ZSCAN25: variants seen among roughly 807,000 people sequenced by gnomAD.
ZSCAN25 encodes the protein zinc finger and SCAN domain-containing protein 25.
ZSCAN25 carries 27 observed loss-of-function variants against 38.7 expected under a neutral mutation model. The observed-to-expected ratio is 0.70, with a 90% confidence interval of 0.51 to 0.96. The LOEUF is 0.96. Among genes scored for constraint, ZSCAN25 ranks in the 40% least tolerant of loss-of-function variants. ZSCAN25 has a pLI of 0.00. For missense variants in ZSCAN25, 637 were observed against 705.9 expected, an observed-to-expected ratio of 0.90 and a Z score of 1.11; for synonymous variants, 273 against 277.7, an observed-to-expected ratio of 0.98 and a Z score of 0.17.
chr7:99,732,407 T>C, the ZSCAN25 span, among the ~76,000 whole-genome samples: 1 of 152,118 alleles, frequency 6.6e-6, no homozygotes, highest in Non-Finnish European at 1.5e-5. Flanking sequence ...TTTATAGCAA[T>C]GGAAGAAAAG....
At chr7:99,656,012 A>G in the ZSCAN25 span, among the ~76,000 whole-genome samples, 9,778 of 152,296 alleles carry the variant, frequency 0.064, 487 homozygotes, top group African/African-American at 0.13. Flanking sequence ...ATATACAATC[A>G]TGTCATCTGC....
At chr7:99,724,147 A>G in the ZSCAN25 span, among the ~76,000 whole-genome samples, 2 of 151,990 alleles carry the variant, frequency 1.3e-5, no homozygotes, top group Middle Eastern at 6.8e-3. Context: ...CCCCTTCACT[A>G]TGGGCAACCT....
Position 99,630,116 on chromosome 7 carries a change from C to A in ZSCAN25, c.*96C>A. 1 of 1,433,796 alleles carries A rather than the reference C, an allele frequency of 7.0e-7. No homozygotes were observed. Among genetic ancestry groups the A allele is most frequent in the Admixed American group, 2.9e-5 (1 of 34,504 alleles). 88.8% of individuals were successfully genotyped at this position (1,433,796 alleles called of 1,614,324 possible). A position where few individuals can be genotyped will look rare whatever the true frequency, so the allele number is the denominator to read the frequency against. ...GGCTGCAGGAAAGCACTGGTCCCAT[C>A]GCCTTCCCACCCATTCGCCAACGCG... is the stretch of plus-strand genomic sequence containing the variant. On this transcript the variant is annotated 3_prime_UTR_variant, in exon 8 of 8. Coordinates refer to ENST00000394152, the MANE Select transcript of ZSCAN25 (RefSeq NM_145115.3).
At chr7:99,704,874 A>G in the ZSCAN25 span, among the ~76,000 whole-genome samples, 17 of 152,098 alleles carry the variant, frequency 1.1e-4, no homozygotes, top group Non-Finnish European at 1.8e-4. Flanking sequence ...AGGCAGGAGA[A>G]TGGCGTGAAC....
rs1342393348 is a variant in ZSCAN25, at chr7:99,619,249, A to C, written c.-47+117A>C. On this transcript the variant is annotated intron_variant, in intron 3 of 7. Coordinates refer to ENST00000394152, the MANE Select transcript of ZSCAN25 (RefSeq NM_145115.3). ...ATGTTTCCTTTAGTATTGGAAGAGTAGGCCCTGGTGACTCACCCAGTTATA... is the reference window on the plus strand; with the variant it reads ...ATGTTTCCTTTAGTATTGGAAGAGTCGGCCCTGGTGACTCACCCAGTTATA... 5.1e-5 allele frequency: 10 copies of C among 196,192 alleles called. No homozygotes were observed. In the East Asian group the frequency reaches 1.3e-3, roughly 25 times the overall value. The allele number at this position is 196,192 out of a possible 1,614,324, so 12.2% of individuals were successfully genotyped here.
At chr7:99,689,037 T>C in the ZSCAN25 span, among the ~76,000 whole-genome samples, 1 of 152,218 alleles carries the variant, frequency 6.6e-6, no homozygotes, top group African/African-American at 2.4e-5. Context: ...GGGAAATTTA[T>C]AGCACTAAAT....
the ZSCAN25 span, chr7:99,663,047 T>TA: frequency 5.1e-6 from 7 of 1,364,974 alleles, no homozygotes; most frequent in East Asian, 2.0e-4. Flanking sequence ...AACATTCATC[T>TA]AAATCCTTGG....
chr7:99,720,233 T>G, the ZSCAN25 span: 2 of 1,554,898 alleles, frequency 1.3e-6, no homozygotes, highest in Non-Finnish European at 1.7e-6. Flanking sequence ...TTTAGGCAAC[T>G]GTCTATGAAT....
At chr7:99,663,778 G>A in the ZSCAN25 span, 3 of 1,257,104 alleles carry the variant, frequency 2.4e-6, no homozygotes, top group Non-Finnish European at 3.0e-6. Flanking sequence ...AGTTTTAAAT[G>A]CTATCTCTCT....
At chr7:99,620,806 G>C (rs988470496) in intron 4 of ZSCAN25, 6 of 152,318 alleles carry the variant, frequency 3.9e-5, no homozygotes, top group African/African-American at 1.4e-4. Context: ...GCCTAGGCTG[G>C]AGTGCAGTGG....
At chr7:99,655,570 T>C in the ZSCAN25 span, among the ~76,000 whole-genome samples, 8 of 152,352 alleles carry the variant, frequency 5.3e-5, no homozygotes, top group Admixed American at 1.3e-4. Flanking sequence ...GGGCTCTTTT[T>C]TGGTTCCATA....
rs1806942042 is a variant in ZSCAN25, at chr7:99,621,394, G to A, written c.409G>A (p.Glu137Lys). The change falls in exon 5 of 8, where the codon GAG becomes AAG. Residue 137 changes from glutamate (E) to lysine (K), a missense_variant. By Grantham distance (56) the Glu-to-Lys change is moderately conservative (BLOSUM62 1). Coordinates refer to ENST00000394152, the MANE Select transcript of ZSCAN25 (RefSeq NM_145115.3). ...AKAVPCHRQG[E>K]QEETALCRGA... ...TTAGGTTCCATGCCACAGGCAGGGA[G>A]AGCAGGAGGAAACAGCACTTTGCAG... 1.4e-6 allele frequency: 2 copies of A among 1,462,816 alleles called. No individual in the cohort carries two copies. The highest frequency in any genetic ancestry group is 1.8e-6 in the Non-Finnish European group (2 of 1,094,380). The allele number at this position is 1,462,816 out of a possible 1,614,324, so 90.6% of individuals were successfully genotyped here. A position where few individuals can be genotyped will look rare whatever the true frequency, so the allele number is the denominator to read the frequency against.
chr7:99,621,649 C>T, intron 5 of ZSCAN25, 75 bp downstream of exon 5: 1 of 1,205,914 alleles, frequency 8.3e-7, no homozygotes, highest in Non-Finnish European at 1.1e-6. Context: ...TTCAGAAACC[C>T]AGCAATGGAG....
the ZSCAN25 span, chr7:99,717,342 T>TGGAA: frequency 1.2e-6 from 2 of 1,610,480 alleles, no homozygotes; most frequent in Non-Finnish European, 1.7e-6. Context: ...TTGCCTGGCA[T>TGGAA]GGAACAATAA....
intron 7 of ZSCAN25, among the ~76,000 whole-genome samples, chr7:99,625,560 T>A (rs1477959877): frequency 2.0e-5 from 3 of 152,176 alleles, no homozygotes; most frequent in Admixed American, 6.5e-5. Context: ...GATGTCAGCA[T>A]ACTTTATGTG....
chr7:99,704,464 T>C, the ZSCAN25 span, among the ~76,000 whole-genome samples: 54 of 152,114 alleles, frequency 3.5e-4, no homozygotes, highest in African/African-American at 1.3e-3. Flanking sequence ...CTAATTTTTG[T>C]ATTTTTAGTA....
At chr7:99,708,714 A>G in the ZSCAN25 span, among the ~76,000 whole-genome samples, 1 of 152,146 alleles carries the variant, frequency 6.6e-6, no homozygotes, top group African/African-American at 2.4e-5. Flanking sequence ...TCAGGAAAAA[A>G]TATTCATTTG....
At chr7:99,705,834 G>A in the ZSCAN25 span, among the ~76,000 whole-genome samples, 1 of 152,102 alleles carries the variant, frequency 6.6e-6, no homozygotes, top group Admixed American at 6.5e-5. Context: ...TTCTGTGTGA[G>A]GTTTGACCTG....
the ZSCAN25 span, among the ~76,000 whole-genome samples, chr7:99,708,158 T>C: frequency 2.0e-5 from 3 of 152,222 alleles, no homozygotes. Flanking sequence ...AGATCCTTTC[T>C]ACTCTCCTTA....
Sources: gnomAD v4.1 joint callset for allele counts (sites outside exome capture counted in the v4.1 genomes callset) on GRCh38, gnomAD v4.1.1 for gene constraint, MANE v1.5 for transcripts, NCBI Gene and HGNC (gene_info 2026-07-23, HGNC 2026-07-21) for gene names.